EXOC6B: variants seen among roughly 807,000 people sequenced by gnomAD.
The protein encoded by EXOC6B is SEC15 homolog B.
Under a neutral mutation model 113.5 loss-of-function variants are expected in EXOC6B, and 54 were observed. That is an observed-to-expected ratio of 0.48 (90% CI 0.38 to 0.60). EXOC6B has a LOEUF of 0.60. Among genes scored for constraint, EXOC6B ranks in the 20% least tolerant of loss-of-function variants. The pLI is 0.00. For missense variants in EXOC6B, 797 were observed against 977.5 expected (o/e 0.82, Z 2.46); for synonymous variants, 357 against 339.0 (o/e 1.05, Z -0.58).
In EXOC6B at chr2:72,654,826, G is replaced by A. The variant is rs142142842; in HGVS notation, c.669+63277C>T. On this transcript the variant is annotated intron_variant, in intron 6 of 21. Transcript: ENST00000272427. ...TATGATTTTATAGGTTAATTAAAGC[G>A]AAAAACTGAGCATGTTTTCTTGGGC... Among the ~76,000 whole-genome samples, 71 of 152,196 alleles carry A rather than the reference G, an allele frequency of 4.7e-4. 1 individual carries two copies. The highest frequency in any genetic ancestry group is 1.3e-3 in the African/African-American group (55 of 41,530).
chr2:72,782,309 T>C (rs533302093), intron 1 of EXOC6B, among the ~76,000 whole-genome samples: 7 of 152,308 alleles, frequency 4.6e-5, no homozygotes, highest in African/African-American at 1.4e-4. Flanking sequence ...AAAACTCAGT[T>C]CAAATATCAC....
intron 20 of EXOC6B, among the ~76,000 whole-genome samples, chr2:72,249,921 G>C (rs1027372715): frequency 6.6e-6 from 1 of 152,156 alleles, no homozygotes; most frequent in Non-Finnish European, 1.5e-5. Flanking sequence ...GCTTTATCAA[G>C]TTGTTTAGGT....
At chr2:72,210,988 T>C (rs528303610) in intron 20 of EXOC6B, among the ~76,000 whole-genome samples, 1 of 152,308 alleles carries the variant, frequency 6.6e-6, no homozygotes, top group South Asian at 2.1e-4. Context: ...ATGTTATCTG[T>C]AGAAGGTGAA....
chr2:72,519,686 A>G (rs1701390136), intron 8 of EXOC6B, among the ~76,000 whole-genome samples: 1 of 152,168 alleles, frequency 6.6e-6, no homozygotes, highest in East Asian at 1.9e-4. Flanking sequence ...TTTATAGAAC[A>G]TAACTATCAC....
chr2:72,806,175 A>C (rs1685565330), intron 1 of EXOC6B, among the ~76,000 whole-genome samples: 1 of 151,416 alleles, frequency 6.6e-6, no homozygotes, highest in African/African-American at 2.4e-5. Flanking sequence ...CCCACACTCC[A>C]CTCCTTCTCT....
intron 8 of EXOC6B, among the ~76,000 whole-genome samples, chr2:72,546,615 C>T (rs952120266): frequency 1.3e-5 from 2 of 152,164 alleles, no homozygotes; most frequent in Non-Finnish European, 2.9e-5. Context: ...TAACACTTCT[C>T]ATAATTGTTT....
intron 19 of EXOC6B, among the ~76,000 whole-genome samples, chr2:72,374,798 A>G (rs1691251792): frequency 6.7e-6 from 1 of 150,066 alleles, no homozygotes; most frequent in Non-Finnish European, 1.5e-5. Context: ...TGTACTCCAT[A>G]AATACATATG....
intron 20 of EXOC6B, among the ~76,000 whole-genome samples, chr2:72,288,237 G>T (rs1489008157): frequency 2.0e-5 from 3 of 152,112 alleles, no homozygotes; most frequent in African/African-American, 7.2e-5. Flanking sequence ...GGTATAAACT[G>T]ATTACAATCA....
At chr2:72,468,981 A>C (rs1698228500) in intron 17 of EXOC6B, among the ~76,000 whole-genome samples, 1 of 152,300 alleles carries the variant, frequency 6.6e-6, no homozygotes, top group African/African-American at 2.4e-5. Context: ...AGAAAACTTA[A>C]GCAGCAAGTA....
At chr2:72,191,783 G>A (rs1678849644) in intron 20 of EXOC6B, among the ~76,000 whole-genome samples, 1 of 152,198 alleles carries the variant, frequency 6.6e-6, no homozygotes, top group African/African-American at 2.4e-5. Context: ...GCAGGACTCT[G>A]TTGATCCTTG....
chr2:72,358,836 C>T (rs1187389739), intron 19 of EXOC6B, among the ~76,000 whole-genome samples: 1 of 152,138 alleles, frequency 6.6e-6, no homozygotes. Flanking sequence ...ACAACCACAT[C>T]CTAGTTTTCT....
rs184004397 is a variant in EXOC6B at position 72,314,269 on chromosome 2, A to G, written c.2196+20678T>C. On this transcript the variant is annotated intron_variant, in intron 20 of 21. Coordinates refer to ENST00000272427, the MANE Select transcript of EXOC6B (RefSeq NM_015189.3). ...CGCCTGGTTATCAACTAAATTATCC[A>G]TGTCTCATTATACTCTACTCTACTC... is the stretch of plus-strand genomic sequence containing the variant. 4.0e-3 allele frequency among the ~76,000 whole-genome samples: 614 copies of G among 152,154 alleles called. 2 individuals are homozygous for G. The highest frequency in any genetic ancestry group is 0.014 in the African/African-American group (584 of 41,510).
At chr2:72,554,913 AAC>A (rs1703449527) in intron 8 of EXOC6B, among the ~76,000 whole-genome samples, 1 of 149,524 alleles carries the variant, frequency 6.7e-6, no homozygotes, top group South Asian at 2.1e-4. Context: ...CCAGACCCCC[AAC>A]CCCTGACAGG....
At chr2:72,507,898 T>C (rs1367610569) in intron 11 of EXOC6B, among the ~76,000 whole-genome samples, 1 of 150,976 alleles carries the variant, frequency 6.6e-6, no homozygotes, top group Non-Finnish European at 1.5e-5. Context: ...TACTGCGAGA[T>C]TTAGAGATCT....
intron 20 of EXOC6B, among the ~76,000 whole-genome samples, chr2:72,318,806 C>T (rs10201103): frequency 6.6e-6 from 1 of 151,776 alleles, no homozygotes; most frequent in Non-Finnish European, 1.5e-5. Flanking sequence ...CATATCCTTA[C>T]TGAGATTCAT....
At chr2:72,446,915 C>T (rs934051059) in intron 18 of EXOC6B, among the ~76,000 whole-genome samples, 22 of 152,272 alleles carry the variant, frequency 1.4e-4, no homozygotes, top group African/African-American at 5.3e-4. Context: ...TCCTGGCCAA[C>T]ATGATGAAAC....
At chr2:72,822,596 G>A (rs565149530) in intron 1 of EXOC6B, among the ~76,000 whole-genome samples, 1 of 152,282 alleles carries the variant, frequency 6.6e-6, no homozygotes, top group South Asian at 2.1e-4. Flanking sequence ...AGCAAGTAAT[G>A]ATACACAAAT....
intron 19 of EXOC6B, among the ~76,000 whole-genome samples, chr2:72,369,410 C>G (rs544787417): frequency 2.6e-5 from 4 of 152,262 alleles, no homozygotes; most frequent in South Asian, 4.1e-4. Flanking sequence ...TAGGAAGAAT[C>G]AATATCGTGA....
intron 1 of EXOC6B, among the ~76,000 whole-genome samples, chr2:72,808,645 T>C (rs557225808): frequency 1.2e-4 from 19 of 152,208 alleles, no homozygotes; most frequent in African/African-American, 4.1e-4. Context: ...ATGCTAGGCA[T>C]AGTGGTACAC....
Sources: gnomAD v4.1 joint callset for allele counts (sites outside exome capture counted in the v4.1 genomes callset) on GRCh38, gnomAD v4.1.1 for gene constraint, MANE v1.5 for transcripts, NCBI Gene and HGNC (gene_info 2026-07-23, HGNC 2026-07-21) for gene names.